The following GALNT13 variants were observed in gnomAD, a reference collection of about 807,000 sequenced individuals.
GALNT13 encodes the protein polypeptide N-acetylgalactosaminyltransferase 13.
GALNT13 carries 28 observed loss-of-function variants against 64.2 expected under a neutral mutation model. The ratio of observed to expected loss-of-function variants is 0.44; its 90% CI spans 0.32 to 0.60. The LOEUF is 0.60. Among genes scored for constraint, GALNT13 ranks in the 20% least tolerant of loss-of-function variants. The pLI is 0.05. For synonymous variants in GALNT13, 214 were observed against 224.6 expected (o/e 0.95, Z 0.42); for missense variants, 577 against 669.8 (o/e 0.86, Z 1.53).
chr2:153,082,995 A>G, the GALNT13 span, among the ~76,000 whole-genome samples: 5 of 151,248 alleles, frequency 3.3e-5, 1 homozygote, highest in East Asian at 7.9e-4. Context: ...TGCCTAGCTA[A>G]TTTTTGTATT....
intron 3 of GALNT13, among the ~76,000 whole-genome samples, chr2:153,993,679 G>C (rs1410387519): frequency 7.9e-6 from 1 of 125,822 alleles, no homozygotes; most frequent in East Asian, 2.5e-4. Flanking sequence ...CTGGGCGACA[G>C]AGCAAGACTC....
chr2:153,110,512 C>T, the GALNT13 span, among the ~76,000 whole-genome samples: 2 of 152,072 alleles, frequency 1.3e-5, no homozygotes, highest in African/African-American at 4.8e-5. Flanking sequence ...AACCTCAGTT[C>T]GTGCCCTAAG....
the GALNT13 span, among the ~76,000 whole-genome samples, chr2:153,143,245 C>G: frequency 6.6e-6 from 1 of 151,916 alleles, no homozygotes; most frequent in African/African-American, 2.4e-5. Flanking sequence ...GTACATGTCT[C>G]TAATGGTAAT....
the GALNT13 span, among the ~76,000 whole-genome samples, chr2:153,813,581 T>G: frequency 6.6e-6 from 1 of 152,094 alleles, no homozygotes; most frequent in African/African-American, 2.4e-5. Flanking sequence ...AGTATTCAAT[T>G]ATTAGAAAAG....
chr2:153,175,643 GT>G, the GALNT13 span, among the ~76,000 whole-genome samples: 1 of 152,124 alleles, frequency 6.6e-6, no homozygotes, highest in Non-Finnish European at 1.5e-5. Context: ...TCAGAATGTA[GT>G]TTGTATACTT....
At chr2:153,352,225 T>C in the GALNT13 span, among the ~76,000 whole-genome samples, 1 of 152,214 alleles carries the variant, frequency 6.6e-6, no homozygotes, top group African/African-American at 2.4e-5. Context: ...AGGCATCTCT[T>C]GATATGCTTA....
At chr2:153,761,872 TA>T in the GALNT13 span, 3 of 158,496 alleles carry the variant, frequency 1.9e-5, no homozygotes, top group African/African-American at 7.2e-5. Flanking sequence ...AGACATAAAC[TA>T]GTCTTCTTGT....
the GALNT13 span, among the ~76,000 whole-genome samples, chr2:153,490,895 G>T: frequency 6.6e-6 from 1 of 151,412 alleles, no homozygotes; most frequent in Non-Finnish European, 1.5e-5. Context: ...AGGACCCAGA[G>T]GTTGCAATGA....
intron 2 of GALNT13, among the ~76,000 whole-genome samples, chr2:153,909,252 G>T (rs745712373): frequency 6.6e-6 from 1 of 151,840 alleles, no homozygotes; most frequent in Non-Finnish European, 1.5e-5. Flanking sequence ...TTGCTAGTTT[G>T]TACAGATTTT....
At chr2:153,513,017 T>C in the GALNT13 span, among the ~76,000 whole-genome samples, 1 of 152,224 alleles carries the variant, frequency 6.6e-6, no homozygotes, top group Non-Finnish European at 1.5e-5. Context: ...AGAAAAGAAA[T>C]TGTAAATAAG....
At chr2:154,166,113 A>G (rs1471298979) in intron 4 of GALNT13, among the ~76,000 whole-genome samples, 1 of 152,196 alleles carries the variant, frequency 6.6e-6, no homozygotes, top group East Asian at 1.9e-4. Context: ...GTCATTAAAT[A>G]AAAATTGTTG....
At chr2:153,422,696 A>T in the GALNT13 span, among the ~76,000 whole-genome samples, 4 of 152,134 alleles carry the variant, frequency 2.6e-5, no homozygotes, top group African/African-American at 9.6e-5. Flanking sequence ...ATAAAATAAC[A>T]TTTTGCCAAT....
the GALNT13 span, among the ~76,000 whole-genome samples, chr2:153,806,433 G>A: frequency 3.9e-5 from 6 of 151,952 alleles, no homozygotes; most frequent in South Asian, 2.1e-4. Context: ...GAGGAGAAGC[G>A]TGTCTCTTTA....
At chr2:154,178,962 C>G (rs1383745280) in intron 4 of GALNT13, among the ~76,000 whole-genome samples, 1 of 152,188 alleles carries the variant, frequency 6.6e-6, no homozygotes, top group African/African-American at 2.4e-5. Context: ...GCATTAGGAT[C>G]CAATCACACA....
the GALNT13 span, among the ~76,000 whole-genome samples, chr2:153,662,295 G>T: frequency 1.3e-5 from 2 of 152,118 alleles, no homozygotes; most frequent in East Asian, 1.9e-4. Flanking sequence ...CTGGGCTTTT[G>T]TTGCAACTGC....
At chr2:154,301,683 TA>T (rs1271055071) in intron 9 of GALNT13, 94 bp downstream of exon 9, 83 of 825,474 alleles carry the variant, frequency 1.0e-4, no homozygotes, top group Non-Finnish European at 1.5e-4. Context: ...TTCTTCTAGT[TA>T]AAATATTGTT....
intron 9 of GALNT13, among the ~76,000 whole-genome samples, chr2:154,337,839 A>G (rs913545644): frequency 6.6e-6 from 1 of 152,086 alleles, no homozygotes; most frequent in Non-Finnish European, 1.5e-5. Flanking sequence ...AATTGGGGGT[A>G]TTATAAAAAA....
intron 8 of GALNT13, among the ~76,000 whole-genome samples, chr2:154,297,672 A>G (rs1395593830): frequency 2.6e-5 from 4 of 152,212 alleles, no homozygotes; most frequent in Admixed American, 1.3e-4. Flanking sequence ...TGGCAGCGCA[A>G]GCAAACGAAA....
chr2:154,352,062 G>A (rs1574139975), intron 9 of GALNT13, among the ~76,000 whole-genome samples: 2 of 152,088 alleles, frequency 1.3e-5, no homozygotes, highest in East Asian at 1.9e-4. Flanking sequence ...ATACAAACTA[G>A]TTCATATATT....
Sources: allele counts gnomAD v4.1 joint callset (sites outside exome capture counted in the v4.1 genomes callset), GRCh38; gene constraint gnomAD v4.1.1; transcripts MANE v1.5; gene names NCBI Gene and HGNC (gene_info 2026-07-23, HGNC 2026-07-21).